Variants in ATP8B4 observed in about 807,000 individuals in gnomAD.
ATP8B4 encodes ATPase phospholipid transporting 8B4 (putative).
A neutral mutation model predicts 145.6 loss-of-function variants in ATP8B4; 133 were observed. The ratio of observed to expected loss-of-function variants is 0.91; its 90% CI spans 0.79 to 1.05. ATP8B4 has a LOEUF of 1.05. Ranked by LOEUF, ATP8B4 falls within the 50% of genes least tolerant of loss-of-function variation. The pLI, the probability that ATP8B4 is intolerant of heterozygous loss-of-function variation, is 0.00. For synonymous variants in ATP8B4, 507 were observed against 492.9 expected, an observed-to-expected ratio of 1.03 and a Z score of -0.38; for missense variants, 1,458 against 1,425.2, an observed-to-expected ratio of 1.02 and a Z score of -0.37.
In ATP8B4 at chr15:49,924,421, C is replaced by CA. The variant is rs751661301; in HGVS notation, c.1643-928dup. Among the ~76,000 whole-genome samples the CA allele has an allele frequency of 8.5e-5, 13 of 152,260 alleles. No homozygotes were observed. The South Asian group carries it at 2.7e-3, about 32-fold the overall frequency. ...TTCATAATCTGAATACTCTTGCCCT[C>CA]ATAGGCTTCATCAGTTCAGTCAAAG... On this transcript the variant is annotated intron_variant, in intron 16 of 27. Transcript: ENST00000284509.
chr15:50,003,199 G>C (rs1041422063), intron 7 of ATP8B4, among the ~76,000 whole-genome samples: 1 of 151,508 alleles, frequency 6.6e-6, no homozygotes, highest in Admixed American at 6.6e-5. Context: ...TGAATCTTGG[G>C]GGTTAAATTT....
At position 49,901,170 on chromosome 15, in the gene ATP8B4, CTTTT is replaced by C; in HGVS notation, c.2207_2210del (p.Lys736SerfsTer10). 4.3e-6 allele frequency: 7 copies of C among 1,613,516 alleles called. No individual in the cohort carries two copies. Among genetic ancestry groups the C allele is most frequent in the Non-Finnish European group, 5.9e-6 (7 of 1,179,592 alleles). On this transcript the variant is annotated frameshift_variant, in exon 21 of 28. Transcript: ENST00000284509. LOFTEE classifies it high-confidence loss of function. ...CAATAGAATCCAACTCCAGCTGCTG[CTTTT>C]TTTCACAAACTACATGGCCATTGGA...
chr15:50,170,646 C>CAA (rs56011305), intron 1 of ATP8B4, among the ~76,000 whole-genome samples: 10 of 150,968 alleles, frequency 6.6e-5, no homozygotes, highest in Non-Finnish European at 1.0e-4. Flanking sequence ...CAAAACAAAA[C>CAA]AAAAAAAAAC....
chr15:49,939,720 T>C (rs1450865321), intron 14 of ATP8B4, among the ~76,000 whole-genome samples: 1 of 152,092 alleles, frequency 6.6e-6, no homozygotes, highest in East Asian at 1.9e-4. Flanking sequence ...TACAAAAAAT[T>C]GAGCAGGATG....
intron 16 of ATP8B4, among the ~76,000 whole-genome samples, chr15:49,929,456 T>C (rs185036759): frequency 4.3e-4 from 65 of 152,226 alleles, no homozygotes; most frequent in Non-Finnish European, 6.5e-4. Context: ...GAAAGTTCCA[T>C]ATTTGACATA....
At position 49,918,847 on chromosome 15, in the gene ATP8B4, T is replaced by C. The variant is rs745466240; in HGVS notation, c.2027A>G (p.Asp676Gly). ...ANIKIWVLTGDKQETAINIGY... is the reference protein window; with the variant it reads ...ANIKIWVLTGGKQETAINIGY... ...ATCCATTTTCAAGTTACCTTGTTTGTCTCCTGTTAGGACCCAGATCTTAAT... is the reference window on the plus strand; with the variant it reads ...ATCCATTTTCAAGTTACCTTGTTTGCCTCCTGTTAGGACCCAGATCTTAAT... Residue 676 changes from aspartate to glycine, a missense_variant, in exon 19 of 28, where the codon GAC becomes GGC. Transcript: ENST00000284509. 1.9e-6 allele frequency: 3 copies of C among 1,605,414 alleles called. No homozygotes were observed. The highest frequency in any genetic ancestry group is 2.6e-6 in the Non-Finnish European group (3 of 1,173,608).
At chr15:49,879,675 A>T in intron 23 of ATP8B4, 1 of 485,366 alleles carries the variant, frequency 2.1e-6, no homozygotes. Flanking sequence ...CTCTAAAGTG[A>T]TGTATACCCT....
intron 14 of ATP8B4, among the ~76,000 whole-genome samples, chr15:49,948,448 C>CA (rs1275496478): frequency 4.0e-5 from 6 of 150,768 alleles, no homozygotes; most frequent in Admixed American, 2.0e-4. Context: ...GACTCTGTCT[C>CA]AAAAAAAAGA....
At chr15:49,904,457 G>A (rs969625417) in intron 20 of ATP8B4, among the ~76,000 whole-genome samples, 1 of 152,040 alleles carries the variant, frequency 6.6e-6, no homozygotes, top group East Asian at 1.9e-4. Flanking sequence ...ACCAGTGTGT[G>A]CCAGAAGATC....
chr15:49,994,594 C>T (rs1434280643), intron 9 of ATP8B4, among the ~76,000 whole-genome samples: 1 of 151,776 alleles, frequency 6.6e-6, no homozygotes, highest in Non-Finnish European at 1.5e-5. Flanking sequence ...AATGAATTAT[C>T]CAGTATGCCA....
At chr15:49,989,802 T>C (rs2046910199) in intron 9 of ATP8B4, among the ~76,000 whole-genome samples, 1 of 152,106 alleles carries the variant, frequency 6.6e-6, no homozygotes, top group Non-Finnish European at 1.5e-5. Context: ...CTTTTTAAGC[T>C]CTATTAGCAT....
At chr15:50,121,787 G>A (rs1270241966), upstream of ATP8B4, among the ~76,000 whole-genome samples, 1 of 152,076 alleles carries the variant, frequency 6.6e-6, no homozygotes, top group Non-Finnish European at 1.5e-5. Flanking sequence ...GCCTTATTTT[G>A]TTTTAAAGCC....
chr15:49,949,713 G>C (rs1270471557), intron 14 of ATP8B4, among the ~76,000 whole-genome samples: 1 of 152,060 alleles, frequency 6.6e-6, no homozygotes, highest in Non-Finnish European at 1.5e-5. Context: ...ATGTTGAATG[G>C]GAATGGTGAG....
chr15:50,089,975 A>G (rs1353897718), intron 2 of ATP8B4, among the ~76,000 whole-genome samples: 3 of 152,192 alleles, frequency 2.0e-5, no homozygotes, highest in African/African-American at 7.2e-5. Flanking sequence ...ATGCCCATCA[A>G]TGATAGACTG....
chr15:50,015,594 G>A (rs755390633), intron 6 of ATP8B4, among the ~76,000 whole-genome samples: 1 of 152,164 alleles, frequency 6.6e-6, no homozygotes, highest in Non-Finnish European at 1.5e-5. Context: ...CACACTCCCA[G>A]CATTTAAAAC....
chr15:50,057,409 T>C (rs1199956652), intron 3 of ATP8B4, among the ~76,000 whole-genome samples: 1 of 152,218 alleles, frequency 6.6e-6, no homozygotes, highest in East Asian at 1.9e-4. Flanking sequence ...CCAAATGGTG[T>C]TTCGTGAGCA....
chr15:50,002,458 C>T (rs1169493992), intron 7 of ATP8B4, among the ~76,000 whole-genome samples: 1 of 152,104 alleles, frequency 6.6e-6, no homozygotes, highest in South Asian at 2.1e-4. Flanking sequence ...AAGGAGCTAT[C>T]ATATGAATTA....
intron 2 of ATP8B4, among the ~76,000 whole-genome samples, chr15:50,093,165 T>C (rs1186137672): frequency 6.6e-6 from 1 of 151,572 alleles, no homozygotes; most frequent in African/African-American, 2.4e-5. Flanking sequence ...CAAAAAGTGA[T>C]AGAATTCATT....
chr15:49,982,481 C>T (rs1051988838), intron 10 of ATP8B4: 6 of 152,068 alleles, frequency 3.9e-5, no homozygotes, highest in African/African-American at 1.2e-4. Flanking sequence ...TTGATCTCAT[C>T]TGATCTCAGA....
Sources: gnomAD v4.1 joint callset for allele counts (sites outside exome capture counted in the v4.1 genomes callset) on GRCh38, gnomAD v4.1.1 for gene constraint, MANE v1.5 for transcripts, NCBI Gene and HGNC (gene_info 2026-07-23, HGNC 2026-07-21) for gene names.